The following PAPSS2 variants were observed in gnomAD, a reference collection of about 807,000 sequenced individuals.
The protein encoded by PAPSS2 is 3'-phosphoadenosine 5'-phosphosulfate synthase 2.
Under a neutral mutation model 66.5 loss-of-function variants are expected in PAPSS2, and 61 were observed. That is an observed-to-expected ratio of 0.92 (90% CI 0.75 to 1.14). PAPSS2 has a LOEUF of 1.14. PAPSS2 is among the 50% of genes most tolerant of loss of function. PAPSS2 has a pLI of 0.00. For missense variants in PAPSS2, 708 were observed against 789.6 expected (o/e 0.90, Z 1.24); for synonymous variants, 289 against 287.5 (o/e 1.01, Z -0.05).
At chr10:87,705,407 T>G (rs1853370553) in intron 1 of PAPSS2, among the ~76,000 whole-genome samples, 1 of 152,212 alleles carries the variant, frequency 6.6e-6, no homozygotes, top group Non-Finnish European at 1.5e-5. Flanking sequence ...CTAGTGCAAG[T>G]CTTTTTGTGG....
In PAPSS2 at chr10:87,713,305, G is replaced by A. The variant is rs549258954; in HGVS notation, c.376G>A (p.Ala126Thr). ...VCITSFISPF[A>T]KDRENARKIH... Reference sequence around the variant, plus strand: ...CATTACCAGCTTTATTTCTCCATTCGCAAAGGTAAAAAAAAAAAAAAAAAA... The same window carrying A: ...CATTACCAGCTTTATTTCTCCATTCACAAAGGTAAAAAAAAAAAAAAAAAA... Residue 126 changes from alanine (A) to threonine (T), a missense_variant, in exon 3 of 13, where the codon GCA becomes ACA. Transcript: ENST00000456849. 33 of 766,428 alleles carry A rather than the reference G, an allele frequency of 4.3e-5. 1 individual carries two copies. The highest frequency in any genetic ancestry group is 4.0e-4 in the Middle Eastern group (1 of 2,498). The allele number at this position is 766,428 out of a possible 1,614,324, so 47.5% of individuals were successfully genotyped here.
At chr10:87,670,186 T>TAG (rs758180914) in intron 1 of PAPSS2, among the ~76,000 whole-genome samples, 29 of 152,388 alleles carry the variant, frequency 1.9e-4, no homozygotes, top group Non-Finnish European at 3.8e-4. Flanking sequence ...TGCCTAGCCT[T>TAG]ACGGCTATGT....
intron 1 of PAPSS2, among the ~76,000 whole-genome samples, chr10:87,686,898 G>A (rs1853096173): frequency 6.6e-6 from 1 of 152,166 alleles, no homozygotes; most frequent in South Asian, 2.1e-4. Context: ...ATAAATGCAA[G>A]GTTAGGGCTT....
In PAPSS2 at chr10:87,727,361, A is replaced by G; in HGVS notation, c.958A>G (p.Lys320Glu). 1 of 1,614,046 alleles carries G rather than the reference A, an allele frequency of 6.2e-7. No individual in the cohort carries two copies. Among genetic ancestry groups the G allele is most frequent in the Non-Finnish European group, 8.5e-7 (1 of 1,179,986 alleles). Residue 320 changes from lysine to glutamate, a missense_variant, in exon 9 of 13, where the codon AAG becomes GAG. Transcript: ENST00000456849. ...TAAGACACGGCTGGAAGGGTGCAGC[A>G]AGTTTGTCCTGGCACATGGTGGACG... The part of the protein sequence containing the change: ...EDKTRLEGCS[K>E]FVLAHGGRRV...
rs1031867873 is a variant in PAPSS2, at chr10:87,743,400, A to G, written c.1250A>G (p.Asn417Ser). ...GCGGTGTTTGCATTCCAGTTGCGCA[A>G]TCCTGTCCACAATGGCCATGCCCTG... ...ADAVFAFQLR[N>S]PVHNGHALLM... Residue 417 changes from asparagine (N) to serine (S), a missense_variant, in exon 11 of 13, where the codon AAT becomes AGT. Coordinates refer to ENST00000456849, the MANE Select transcript of PAPSS2 (RefSeq NM_001015880.2). The G allele has an allele frequency of 1.2e-6, 2 of 1,613,978 alleles. No homozygotes were observed. Among genetic ancestry groups the G allele is most frequent in the Non-Finnish European group, 1.7e-6 (2 of 1,179,996 alleles).
chr10:87,734,378 G>A (rs989286277), intron 9 of PAPSS2, among the ~76,000 whole-genome samples: 4 of 151,962 alleles, frequency 2.6e-5, no homozygotes, highest in African/African-American at 7.3e-5. Flanking sequence ...AGAGTAATTT[G>A]GACTTGCCCC....
rs367885911 is a variant in PAPSS2 at position 87,713,312 on chromosome 10, T to TAAAAAAAAAAAA, written c.381+13_381+24dup. 8.1e-4 allele frequency: 467 copies of TAAAAAAAAAAAA among 575,020 alleles called. 28 individuals carry two copies. Among genetic ancestry groups the TAAAAAAAAAAAA allele is most frequent in the East Asian group, 4.1e-3 (76 of 18,756 alleles). The allele number at this position is 575,020 out of a possible 1,614,324, so 35.6% of individuals were successfully genotyped here. A position where few individuals can be genotyped will look rare whatever the true frequency, so the allele number is the denominator to read the frequency against. ...AGCTTTATTTCTCCATTCGCAAAGG[T>TAAAAAAAAAAAA]AAAAAAAAAAAAAAAAAAAAAAGGC... On this transcript the variant is annotated splice_region_variant and intron_variant, in intron 3 of 12. Coordinates refer to ENST00000456849, the MANE Select transcript of PAPSS2 (RefSeq NM_001015880.2).
chr10:87,687,442 T>C (rs534373812), intron 1 of PAPSS2, among the ~76,000 whole-genome samples: 5 of 152,338 alleles, frequency 3.3e-5, no homozygotes, highest in Admixed American at 3.3e-4. Flanking sequence ...AAATTCTAAA[T>C]ATACGAAAGG....
chr10:87,743,845 C>G (rs1314086790), intron 11 of PAPSS2, among the ~76,000 whole-genome samples: 1 of 152,176 alleles, frequency 6.6e-6, no homozygotes, highest in East Asian at 1.9e-4. Context: ...TGGCTGTCAC[C>G]TGTAATCCCA....
At chr10:87,722,072 A>T (rs1240971105) in intron 8 of PAPSS2, among the ~76,000 whole-genome samples, 2 of 152,174 alleles carry the variant, frequency 1.3e-5, no homozygotes, top group African/African-American at 2.4e-5. Context: ...TACATTTATG[A>T]TCCTCTTCCA....
chr10:87,713,312 T>TTAAA lies in PAPSS2; in HGVS notation c.381+2_381+3insTAAA. On this transcript the variant is annotated splice_region_variant and intron_variant, in intron 3 of 12. Transcript: ENST00000456849. ...AGCTTTATTTCTCCATTCGCAAAGG[T>TTAAA]AAAAAAAAAAAAAAAAAAAAAAGGC... 3.5e-6 allele frequency: 2 copies of TTAAA among 573,440 alleles called. No homozygotes were observed. Among genetic ancestry groups the TTAAA allele is most frequent in the Non-Finnish European group, 5.2e-6 (2 of 382,484 alleles). The allele number at this position is 573,440 out of a possible 1,614,324, so 35.5% of individuals were successfully genotyped here.
chr10:87,731,991 A>G (rs776055531), intron 9 of PAPSS2, among the ~76,000 whole-genome samples: 35 of 152,228 alleles, frequency 2.3e-4, no homozygotes, highest in Non-Finnish European at 4.0e-4. Context: ...AGGAAGTTCT[A>G]CCATGCGTAA....
intron 1 of PAPSS2, among the ~76,000 whole-genome samples, chr10:87,685,989 TTGGTG>T (rs1240745106): frequency 6.6e-6 from 1 of 152,112 alleles, no homozygotes; most frequent in African/African-American, 2.4e-5. Flanking sequence ...TTATTGGCCT[TTGGTG>T]TGATGACGAG....
chr10:87,730,734 C>T (rs1853718268), intron 9 of PAPSS2, among the ~76,000 whole-genome samples: 1 of 152,112 alleles, frequency 6.6e-6, no homozygotes, highest in South Asian at 2.1e-4. Flanking sequence ...TGGTCTTGTC[C>T]AACCAGCTAC....
At chr10:87,666,071 C>G (rs1017566989) in intron 1 of PAPSS2, among the ~76,000 whole-genome samples, 1 of 150,612 alleles carries the variant, frequency 6.6e-6, no homozygotes, top group Non-Finnish European at 1.5e-5. Flanking sequence ...TCAAGCGATT[C>G]TCACGCCTCG....
intron 9 of PAPSS2, among the ~76,000 whole-genome samples, chr10:87,739,335 T>C (rs374927809): frequency 4.6e-5 from 7 of 152,250 alleles, no homozygotes; most frequent in African/African-American, 1.7e-4. Context: ...TTTTAGCTAA[T>C]AGTCTATGTT....
intron 7 of PAPSS2, among the ~76,000 whole-genome samples, chr10:87,719,638 A>G (rs1276714871): frequency 6.6e-6 from 1 of 152,110 alleles, no homozygotes; most frequent in Non-Finnish European, 1.5e-5. Flanking sequence ...GAAGAGACTA[A>G]GTGACTTTAT....
chr10:87,694,860 G>A (rs1281966091), intron 1 of PAPSS2, among the ~76,000 whole-genome samples: 1 of 152,234 alleles, frequency 6.6e-6, no homozygotes, highest in Admixed American at 6.5e-5. Flanking sequence ...GGGAAATGAT[G>A]TGATGGCTGC....
intron 7 of PAPSS2, among the ~76,000 whole-genome samples, chr10:87,720,186 G>A (rs1358191980): frequency 6.6e-6 from 1 of 152,102 alleles, no homozygotes; most frequent in East Asian, 1.9e-4. Context: ...GCACGCAGCC[G>A]AAACTTTCTT....
Sources: gnomAD v4.1 joint callset for allele counts (sites outside exome capture counted in the v4.1 genomes callset) on GRCh38, gnomAD v4.1.1 for gene constraint, MANE v1.5 for transcripts, NCBI Gene and HGNC (gene_info 2026-07-23, HGNC 2026-07-21) for gene names.